Variants in MKS1 observed in about 807,000 individuals in gnomAD.
MKS1 encodes the protein MKS transition zone complex subunit 1.
MKS1 carries 70 observed loss-of-function variants against 83.7 expected under a neutral mutation model. The ratio of observed to expected loss-of-function variants is 0.84; its 90% CI spans 0.69 to 1.02. MKS1 has a LOEUF of 1.02. Ranked by LOEUF, MKS1 falls within the 50% of genes least tolerant of loss-of-function variation. MKS1 has a pLI of 0.00. For missense variants in MKS1, 681 were observed against 726.9 expected (o/e 0.94, Z 0.73); for synonymous variants, 251 against 273.4 (o/e 0.92, Z 0.81).
intron 6 of MKS1, 114 bp downstream of exon 6, chr17:58,214,145 G>A (rs960991964): frequency 4.2e-5 from 63 of 1,500,168 alleles, no homozygotes; most frequent in Non-Finnish European, 5.6e-5. Flanking sequence ...AGAAGAGAAG[G>A]AAGAAAAAGT....
At position 58,209,268 on chromosome 17, in the gene MKS1, A is replaced by T. The variant is rs1426733443; in HGVS notation, c.1025-685T>A. On this transcript the variant is annotated intron_variant, in intron 11 of 17. Coordinates refer to ENST00000393119, the MANE Select transcript of MKS1 (RefSeq NM_017777.4). This position sits in a 1 kb window ranked among gnomAD's most constrained non-coding sequence, Gnocchi z 4.1. ...GACGGGGCGGACAGTTTCTTTATTC[A>T]TTTATTCACACAATCAATCATTCAT... Among the ~76,000 whole-genome samples the T allele has an allele frequency of 6.6e-6, 1 of 152,062 alleles. No individual in the cohort carries two copies. The highest frequency in any genetic ancestry group is 1.5e-5 in the Non-Finnish European group (1 of 68,002).
intron 5 of MKS1, 85 bp from the exon 6 acceptor site, chr17:58,214,472 G>C (rs1969074669): frequency 6.3e-7 from 1 of 1,596,380 alleles, no homozygotes; most frequent in Admixed American, 1.7e-5. Context: ...TGGGAAGTTT[G>C]AGCTAGTGGA....
In MKS1 at chr17:58,210,660, A is replaced by G. The variant is rs2143774558; in HGVS notation, c.1023T>C (p.Ala341=). ...YVHFFVELPT[A]HWSSPAFQQL... is the part of the protein sequence containing the mutation. Reference sequence around the variant, plus strand: ...GAGAGACTTAAGAATATTACTTACGAGCAGTTGGCAATTCTACAAAGAAGT... The same window carrying G: ...GAGAGACTTAAGAATATTACTTACGGGCAGTTGGCAATTCTACAAAGAAGT... The change falls in exon 11 of 18, where the codon GCT becomes GCC. Residue 341 remains alanine, a splice_region_variant and synonymous_variant. Coordinates refer to ENST00000393119, the MANE Select transcript of MKS1 (RefSeq NM_017777.4). 6.2e-6 allele frequency: 10 copies of G among 1,613,158 alleles called. No individual in the cohort carries two copies. The highest frequency in any genetic ancestry group is 8.5e-6 in the Non-Finnish European group (10 of 1,179,088).
At position 58,219,188 on chromosome 17, in the gene MKS1, A is replaced by G. The variant is rs1166824059; in HGVS notation, c.43T>C (p.Tyr15His). 1 of 1,551,214 alleles carries G rather than the reference A, an allele frequency of 6.4e-7. No individual in the cohort carries two copies. Among genetic ancestry groups the G allele is most frequent in the Non-Finnish European group, 8.7e-7 (1 of 1,146,998 alleles). Residue 15 changes from tyrosine to histidine, a missense_variant, in exon 1 of 18, where the codon TAT (tyrosine) becomes CAT (histidine). Transcript: ENST00000393119. ...VWSTDTGEAV[Y>H]RSRDPVRNLR... ...TTGCGCACGGGGTCCCGGGAGCGAT[A>G]CACTGCCTCCCCGGTGTCAGTGCTC...
At position 58,212,398 on chromosome 17, in the gene MKS1, C is replaced by T. The variant is rs751146857; in HGVS notation, c.895G>A (p.Val299Ile). The T allele has an allele frequency of 6.8e-6, 11 of 1,614,072 alleles. No individual in the cohort carries two copies. The highest frequency in any genetic ancestry group is 2.2e-5 in the East Asian group (1 of 44,902). Residue 299 changes from valine (V) to isoleucine (I), a missense_variant, in exon 9 of 18, where the codon GTA becomes ATA. Transcript: ENST00000393119. ...CTCACCATCTCAAAGTCGGTGCCTA[C>T]GAGGCTGCTGAGATACTCCTTGTGC... Reference protein sequence around the residue: ...GRHKEYLSSLVGTDFEMTVPG... With the variant: ...GRHKEYLSSLIGTDFEMTVPG...
At chr17:58,218,474 AAAAAAAG>A in intron 2 of MKS1, 139 bp downstream of exon 2, 29 of 445,136 alleles carry the variant, frequency 6.5e-5, no homozygotes, top group South Asian at 1.9e-4. Flanking sequence ...AAAAAAAAAA[AAAAAAAG>A]CCACAAATAG....
At chr17:58,206,412 G>A (rs1245285486) in intron 16 of MKS1, 32 bp from the exon 17 acceptor site, 1 of 1,613,998 alleles carries the variant, frequency 6.2e-7, no homozygotes, top group East Asian at 2.2e-5. Flanking sequence ...GGTTACGGCT[G>A]TCTCCACCCC....
rs865870355 is a variant in MKS1 at position 58,207,097 on chromosome 17, TG to T, written c.1394del (p.Pro465GlnfsTer9). 2.9e-5 allele frequency: 46 copies of T among 1,614,028 alleles called. No individual in the cohort carries two copies. The highest frequency in any genetic ancestry group is 3.8e-5 in the Non-Finnish European group (45 of 1,180,030). The part of the protein sequence containing the change: ...ELEDLSYVRI[P>X]GSFKGERLSR... ...AGACAAAAGTCACCTTGAAGGATCC[TG>T]GTATCCGTACATAGGAGAGGTCCTC... On this transcript the variant is annotated frameshift_variant, in exon 15 of 18. Transcript: ENST00000393119. LOFTEE classifies it high-confidence loss of function.
chr17:58,205,995 C>A lies in MKS1; in HGVS notation c.*84G>T. 1.9e-6 allele frequency: 3 copies of A among 1,545,814 alleles called. No individual in the cohort carries two copies. Among genetic ancestry groups the A allele is most frequent in the Non-Finnish European group, 1.7e-6 (2 of 1,147,888 alleles). On this transcript the variant is annotated 3_prime_UTR_variant, in exon 18 of 18. Coordinates refer to ENST00000393119, the MANE Select transcript of MKS1 (RefSeq NM_017777.4). The stretch of plus-strand genomic sequence containing the variant: ...TCAGCAGACCAACGTGGTCTCTAAT[C>A]AGAAAGACGAAGAGGCAGGAGAGCA...
chr17:58,218,776 A>G, intron 1 of MKS1, 47 bp from the exon 2 acceptor site: 1 of 1,486,868 alleles, frequency 6.7e-7, no homozygotes, highest in Non-Finnish European at 9.4e-7. Context: ...CGCAACCAGG[A>G]GATGAACACA....
chr17:58,210,837 C>G, intron 10 of MKS1, 113 bp from the exon 11 acceptor site: 1 of 1,433,980 alleles, frequency 7.0e-7, no homozygotes, highest in Non-Finnish European at 9.8e-7. Flanking sequence ...GGGCCAGGAA[C>G]CCTCTGCGTT....
At chr17:58,216,019 G>A (rs948206670) in intron 4 of MKS1, 69 bp downstream of exon 4, 2 of 1,563,570 alleles carry the variant, frequency 1.3e-6, no homozygotes, top group Admixed American at 1.7e-5. Flanking sequence ...ATAACACACA[G>A]AACTCAGTGA....
chr17:58,212,503 G>A, intron 8 of MKS1, 69 bp from the exon 9 acceptor site: 1 of 1,542,134 alleles, frequency 6.5e-7, no homozygotes, highest in Non-Finnish European at 9.0e-7. Flanking sequence ...TTCTGAATGG[G>A]AAGAAGAAAA....
At position 58,214,847 on chromosome 17, in the gene MKS1, A is replaced by AG. The variant is rs770779646; in HGVS notation, c.418-10dup. ...GTCATTCTCTGACAGTGCTGGGAAA[A>AG]GCAAGCAGCCCTGTGTACGCCATCT... On this transcript the variant is annotated splice_polypyrimidine_tract_variant and intron_variant, in intron 4 of 17. Transcript: ENST00000393119. 1 of 1,597,930 alleles carries AG rather than the reference A, an allele frequency of 6.3e-7. No homozygotes were observed. The highest frequency in any genetic ancestry group is 1.3e-5 in the African/African-American group (1 of 74,726).
intron 11 of MKS1, 139 bp from the exon 12 acceptor site, chr17:58,208,722 T>C (rs1325823946): frequency 1.3e-6 from 1 of 786,580 alleles, no homozygotes; most frequent in Non-Finnish European, 2.1e-6. Flanking sequence ...GAGGGGGATG[T>C]GGCAGGGTCA....
At position 58,214,398 on chromosome 17, in the gene MKS1, C is replaced by T. The variant is rs1250956052; in HGVS notation, c.516-11G>A. ...AGGATGCCGCCCTCCCTGGGAGACA[C>T]CACAGAAAGGTCACTTCCCTGGCAC... On this transcript the variant is annotated splice_polypyrimidine_tract_variant and intron_variant, in intron 5 of 17. Transcript: ENST00000393119. 2 of 1,612,512 alleles carry T rather than the reference C, an allele frequency of 1.2e-6. No homozygotes were observed. Among genetic ancestry groups the T allele is most frequent in the Admixed American group, 3.3e-5 (2 of 59,994 alleles).
intron 1 of MKS1, 97 bp from the exon 2 acceptor site, chr17:58,218,826 G>T: frequency 1.8e-6 from 2 of 1,133,998 alleles, no homozygotes; most frequent in Non-Finnish European, 2.6e-6. Flanking sequence ...AGGTAGGGTT[G>T]CCAAGGTGTG....
At chr17:58,218,469 AAAAAAAAAAAAG>A in intron 2 of MKS1, 139 bp downstream of exon 2, 1 of 417,644 alleles carries the variant, frequency 2.4e-6, no homozygotes, top group African/African-American at 2.3e-5. Flanking sequence ...AAAAAAAAAA[AAAAAAAAAAAAG>A]CCACAAATAG....
At chr17:58,211,991 T>A (rs1350988917) in intron 9 of MKS1, among the ~76,000 whole-genome samples, 1 of 152,220 alleles carries the variant, frequency 6.6e-6, no homozygotes, top group Non-Finnish European at 1.5e-5. Context: ...ATTTATTTTT[T>A]AAATTAATTA....
Sources: gnomAD v4.1 joint callset for allele counts (sites outside exome capture counted in the v4.1 genomes callset) on GRCh38, gnomAD v4.1.1 for gene constraint, Gnocchi (gnomAD v3.1) non-coding constraint, MANE v1.5 for transcripts, NCBI Gene and HGNC (gene_info 2026-07-23, HGNC 2026-07-21) for gene names.